The following FREM2 variants were observed in gnomAD, a reference collection of about 807,000 sequenced individuals.
FREM2 encodes the protein FRAS1-related extracellular matrix protein 2.
FREM2 carries 119 observed loss-of-function variants against 219.9 expected under a neutral mutation model. The ratio of observed to expected loss-of-function variants is 0.54; its 90% CI spans 0.47 to 0.63. FREM2 has a LOEUF of 0.63. Among genes scored for constraint, FREM2 ranks in the 30% least tolerant of loss-of-function variants. The pLI, the probability that FREM2 is intolerant of heterozygous loss-of-function variation, is 0.00. For synonymous variants in FREM2, 1,562 were observed against 1,522.8 expected, an observed-to-expected ratio of 1.03 and a Z score of -0.60; for missense variants, 4,030 against 3,993.6, an observed-to-expected ratio of 1.01 and a Z score of -0.25.
At chr13:38,833,457 C>G (rs1428927901) in intron 6 of FREM2, among the ~76,000 whole-genome samples, 1 of 151,996 alleles carries the variant, frequency 6.6e-6, no homozygotes, top group Non-Finnish European at 1.5e-5. Flanking sequence ...GGTGGCAACC[C>G]TTATCATTTT....
At position 38,691,497 on chromosome 13, in the gene FREM2, T is replaced by C. The variant is rs759568291; in HGVS notation, c.4153T>C (p.Leu1385=). The C allele has an allele frequency of 3.7e-6, 6 of 1,614,132 alleles. No individual in the cohort carries two copies. The highest frequency in any genetic ancestry group is 5.1e-6 in the Non-Finnish European group (6 of 1,180,012). Reference sequence around the variant, plus strand: ...CAGAAACTTAATTCAGTATGTCCATTTGGGGCAAGAGGGCATTCGGGACCT... The same window carrying C: ...CAGAAACTTAATTCAGTATGTCCATCTGGGGCAAGAGGGCATTCGGGACCT... The part of the protein sequence containing the change: ...VDRNLIQYVH[L]GQEGIRDLIK... Residue 1385 remains leucine (L), a synonymous_variant, in exon 1 of 24, where the codon TTG becomes CTG. Coordinates refer to ENST00000280481, the MANE Select transcript of FREM2 (RefSeq NM_207361.6).
At chr13:38,719,247 T>G (rs1417811376) in intron 2 of FREM2, among the ~76,000 whole-genome samples, 1 of 152,100 alleles carries the variant, frequency 6.6e-6, no homozygotes, top group African/African-American at 2.4e-5. Flanking sequence ...TGAGATGGAG[T>G]TTCGCTCTTG....
chr13:38,859,500 C>T lies in FREM2; in HGVS notation c.7429C>T (p.Arg2477Trp), dbSNP rs143571375. 9.6e-4 allele frequency: 1,549 copies of T among 1,614,002 alleles called. 4 individuals are homozygous for T. The highest frequency in any genetic ancestry group is 1.2e-3 in the Non-Finnish European group (1,359 of 1,179,974). ...LDSIYFQPGS[R>W]VQCAARAVNT... ...CTCCATATACTTTCAGCCTGGCTCC[C>T]GGGTACAGTGCGCAGCTCGTGCTGT... The change falls in exon 14 of 24, where the codon CGG becomes TGG. Residue 2477 changes from arginine (R) to tryptophan (W), a missense_variant. Around this residue, in one of 2 missense-constraint regions of FREM2, gnomAD observed 928 missense variants for 1,042.9 expected, o/e 0.89. Coordinates refer to ENST00000280481, the MANE Select transcript of FREM2 (RefSeq NM_207361.6).
At chr13:38,800,960 C>T (rs961913667) in intron 6 of FREM2, among the ~76,000 whole-genome samples, 3 of 152,188 alleles carry the variant, frequency 2.0e-5, no homozygotes, top group African/African-American at 7.2e-5. Context: ...CTTTCATTCT[C>T]TCTTTTCCTG....
chr13:38,850,923 C>T, intron 9 of FREM2, 21 bp from the exon 10 acceptor site: 1 of 1,608,898 alleles, frequency 6.2e-7, no homozygotes, highest in Non-Finnish European at 8.5e-7. Flanking sequence ...TGTGATTGAC[C>T]TGCTGACATT....
intron 4 of FREM2, 83 bp downstream of exon 4, chr13:38,769,891 T>C (rs1479250598): frequency 1.0e-6 from 1 of 985,980 alleles, no homozygotes. Context: ...GCTTACAGTT[T>C]TAAATTCAAT....
intron 2 of FREM2, among the ~76,000 whole-genome samples, chr13:38,752,907 C>G (rs2496394): frequency 0.93 from 141,152 of 152,174 alleles, 66,164 homozygotes; most frequent in Non-Finnish European, 1. Context: ...CTTTGGGGTG[C>G]GGGGAGAAGT....
intron 2 of FREM2, among the ~76,000 whole-genome samples, chr13:38,699,539 G>A (rs1870257758): frequency 6.6e-6 from 1 of 152,100 alleles, no homozygotes; most frequent in African/African-American, 2.4e-5. Flanking sequence ...TATGGAAGTA[G>A]GAACATATCA....
At chr13:38,754,897 TG>T (rs1187003084) in intron 2 of FREM2, among the ~76,000 whole-genome samples, 91 of 138,812 alleles carry the variant, frequency 6.6e-4, no homozygotes, top group South Asian at 1.4e-3. Context: ...ATGATGATGA[TG>T]ATGATTATTA....
chr13:38,742,496 T>C (rs1370148329), intron 2 of FREM2, among the ~76,000 whole-genome samples: 1 of 152,098 alleles, frequency 6.6e-6, no homozygotes, highest in Non-Finnish European at 1.5e-5. Context: ...ACAAATCAGG[T>C]TGTAGCTGGG....
intron 2 of FREM2, among the ~76,000 whole-genome samples, chr13:38,757,884 G>C (rs576446544): frequency 1.3e-5 from 2 of 152,086 alleles, no homozygotes; most frequent in South Asian, 4.2e-4. Context: ...CACCACACCC[G>C]GTCCCATTCC....
Position 38,688,170 on chromosome 13 carries a change from A to T in FREM2, c.826A>T (p.Asn276Tyr), listed in dbSNP as rs200898675. 5 of 1,613,462 alleles carry T rather than the reference A, an allele frequency of 3.1e-6. No individual in the cohort carries two copies. The African/African-American group carries it at 6.7e-5, about 22-fold the overall frequency. ...YRHTAASRSP[N>Y]RDWIPMVVEL... is the part of the protein sequence containing the mutation. ...CCACACAGCCGCCAGTCGCTCACCA[A>T]ACAGGGACTGGATACCCATGGTGGT... The change falls in exon 1 of 24, where the codon AAC becomes TAC. Residue 276 changes from asparagine (N) to tyrosine (Y), a missense_variant. Asn to Tyr is a moderately radical substitution (Grantham distance 143). Around this residue, in one of 2 missense-constraint regions of FREM2, gnomAD observed 3,102 missense variants for 2,950.7 expected, o/e 1.05. Coordinates refer to ENST00000280481, the MANE Select transcript of FREM2 (RefSeq NM_207361.6).
intron 4 of FREM2, among the ~76,000 whole-genome samples, chr13:38,774,700 C>G (rs1374870582): frequency 6.6e-6 from 1 of 152,152 alleles, no homozygotes; most frequent in East Asian, 1.9e-4. Flanking sequence ...GCTAAGACGT[C>G]TGATTTTATA....
chr13:38,764,439 C>T lies in FREM2; in HGVS notation c.5399C>T (p.Thr1800Ile), dbSNP rs780363263. 5.2e-6 allele frequency: 8 copies of T among 1,552,572 alleles called. No homozygotes were observed. The highest frequency in any genetic ancestry group is 6.2e-6 in the Non-Finnish European group (7 of 1,137,180). The change falls in exon 3 of 24, where the codon ACT becomes ATT. Residue 1800 changes from threonine to isoleucine, a missense_variant. This residue lies in a region of FREM2 where 3,102 missense variants were observed against 2,950.7 expected (regional missense o/e 1.05). Transcript: ENST00000280481. Reference sequence around the variant, plus strand: ...AAACGTAGAGGTTACTTGGGAGAAACTTCTTTTATAAGTAAGTTTAATTTT... The same window carrying T: ...AAACGTAGAGGTTACTTGGGAGAAATTTCTTTTATAAGTAAGTTTAATTTT... ...VLKRRGYLGE[T>I]SFISIGTRDR...
intron 6 of FREM2, among the ~76,000 whole-genome samples, chr13:38,812,104 G>A (rs968925928): frequency 2.0e-5 from 3 of 152,036 alleles, no homozygotes; most frequent in African/African-American, 7.2e-5. Context: ...TCTTATATAA[G>A]TATAGCTACT....
intron 6 of FREM2, among the ~76,000 whole-genome samples, chr13:38,835,076 C>G (rs1876657094): frequency 2.0e-5 from 3 of 152,004 alleles, no homozygotes; most frequent in Non-Finnish European, 4.4e-5. Context: ...GTTTTTATGT[C>G]ATTAGGTCTT....
chr13:38,687,485 G>T lies in FREM2; in HGVS notation c.141G>T (p.Gln47His), dbSNP rs1296195130. 3.1e-6 allele frequency: 5 copies of T among 1,592,478 alleles called. No individual in the cohort carries two copies. The highest frequency in any genetic ancestry group is 2.6e-6 in the Non-Finnish European group (3 of 1,170,296). Residue 47 changes from glutamine (Q) to histidine (H), a missense_variant, in exon 1 of 24, where the codon CAG becomes CAT. By Grantham distance (24) the Gln-to-His change is conservative (BLOSUM62 0). Transcript: ENST00000280481. ...LLSLVSRVPA[Q>H]PAAFGRALLS... ...CACTGGTAAGCCGCGTCCCGGCACAGCCCGCTGCCTTCGGCAGGGCGTTGC... is the reference window on the plus strand; with the variant it reads ...CACTGGTAAGCCGCGTCCCGGCACATCCCGCTGCCTTCGGCAGGGCGTTGC...
At chr13:38,840,544 G>GAAGCC (rs964504578) in intron 6 of FREM2, among the ~76,000 whole-genome samples, 3 of 149,794 alleles carry the variant, frequency 2.0e-5, no homozygotes, top group African/African-American at 7.4e-5. Flanking sequence ...TGCTGCTGAT[G>GAAGCC]AAGCCAAGTA....
chr13:38,769,680 G>A lies in FREM2; in HGVS notation c.5513G>A (p.Arg1838Gln), dbSNP rs376289316. The part of the protein sequence containing the change: ...FNPGQTRATW[R>Q]VRILSDGEHE... ...CCAGGCCAGACCAGGGCCACATGGC[G>A]AGTGCGGATCCTGAGTGATGGGGAG... The change falls in exon 4 of 24, where the codon CGA becomes CAA. Residue 1838 changes from arginine to glutamine, a missense_variant. Arg to Gln is a conservative substitution (Grantham distance 43). This residue lies in a region of FREM2 where 3,102 missense variants were observed against 2,950.7 expected (regional missense o/e 1.05). Transcript: ENST00000280481. The A allele has an allele frequency of 1.2e-5, 19 of 1,614,030 alleles. No individual in the cohort carries two copies. Among genetic ancestry groups the A allele is most frequent in the Admixed American group, 3.3e-5 (2 of 60,002 alleles).
Sources: allele counts gnomAD v4.1 joint callset (sites outside exome capture counted in the v4.1 genomes callset), GRCh38; gene constraint gnomAD v4.1.1; regional missense constraint gnomAD v4.1.1; transcripts MANE v1.5; gene names NCBI Gene and HGNC (gene_info 2026-07-23, HGNC 2026-07-21).